Variants in EPHB2 observed in about 807,000 individuals in gnomAD.
EPHB2 encodes the protein ephrin type-B receptor 2.
A neutral mutation model predicts 96.4 loss-of-function variants in EPHB2; 18 were observed. That is an observed-to-expected ratio of 0.19 (90% CI 0.13 to 0.28). The LOEUF is 0.28. EPHB2 is among the 10% of genes least tolerant of loss of function. EPHB2 has a pLI of 1.00. For synonymous variants in EPHB2, 506 were observed against 534.1 expected (o/e 0.95, Z 0.72); for missense variants, 989 against 1,355.4 (o/e 0.73, Z 4.25).
Position 22,910,544 on chromosome 1 carries a change from A to G in EPHB2, c.2665A>G (p.Ser889Gly), listed in dbSNP as rs1338056435. 6.2e-7 allele frequency: 1 copy of G among 1,611,860 alleles called. No homozygotes were observed. Among genetic ancestry groups the G allele is most frequent in the African/African-American group, 1.4e-5 (1 of 72,836 alleles). ...AGACAAGATGATCCGCAATCCCAAC[A>G]GCCTCAAAGCCATGGCGCCCCTCTC... ...TLDKMIRNPN[S>G]LKAMAPLSSG... is the part of the protein sequence containing the mutation. The change falls in exon 14 of 16, where the codon AGC (serine) becomes GGC (glycine). Residue 889 changes from serine (S) to glycine (G), a missense_variant. Transcript: ENST00000374630.
intron 5 of EPHB2, among the ~76,000 whole-genome samples, chr1:22,877,610 C>T (rs891162569): frequency 2.0e-5 from 3 of 152,024 alleles, no homozygotes; most frequent in Admixed American, 6.6e-5. Context: ...GCTCCAGGGC[C>T]GTATATAAAG....
intron 1 of EPHB2, among the ~76,000 whole-genome samples, chr1:22,738,163 G>A (rs559311849): frequency 6.6e-6 from 1 of 152,194 alleles, no homozygotes; most frequent in African/African-American, 2.4e-5. Context: ...CCCTCTTTGG[G>A]GATGATTTAT....
chr1:22,791,773 T>A (rs1644696835), intron 3 of EPHB2, among the ~76,000 whole-genome samples: 1 of 152,202 alleles, frequency 6.6e-6, no homozygotes, highest in Admixed American at 6.5e-5. Flanking sequence ...TTGCAGTATT[T>A]CACTATCTTA....
At chr1:22,866,661 C>T (rs1158902940) in intron 5 of EPHB2, among the ~76,000 whole-genome samples, 1 of 152,094 alleles carries the variant, frequency 6.6e-6, no homozygotes, top group African/African-American at 2.4e-5. Context: ...TGGCTGGGCA[C>T]AGTGGCTCAC....
intron 3 of EPHB2, among the ~76,000 whole-genome samples, chr1:22,849,985 A>G (rs1429695301): frequency 1.3e-5 from 2 of 152,210 alleles, no homozygotes; most frequent in Non-Finnish European, 2.9e-5. Flanking sequence ...CTCACCAAGC[A>G]GGTAAAAAAT....
intron 3 of EPHB2, among the ~76,000 whole-genome samples, chr1:22,806,485 G>T (rs921474046): frequency 1.5e-5 from 1 of 68,742 alleles, no homozygotes; most frequent in African/African-American, 5.9e-5. Flanking sequence ...ATGGACGGAC[G>T]GACGGACGGA....
intron 5 of EPHB2, 63 bp from the exon 6 acceptor site, chr1:22,882,296 G>C (rs572351361): frequency 1.2e-6 from 2 of 1,604,134 alleles, no homozygotes; most frequent in East Asian, 2.2e-5. Context: ...TACCTCTGAG[G>C]GTGGGCCAGA....
intron 1 of EPHB2, among the ~76,000 whole-genome samples, chr1:22,756,677 AC>A (rs1417666223): frequency 2.0e-5 from 3 of 151,862 alleles, no homozygotes; most frequent in African/African-American, 7.3e-5. Flanking sequence ...CCCCATTTCC[AC>A]CCCGAACTAA....
intron 5 of EPHB2, among the ~76,000 whole-genome samples, chr1:22,877,043 G>A (rs1638862254): frequency 6.6e-6 from 1 of 152,228 alleles, no homozygotes; most frequent in African/African-American, 2.4e-5. Context: ...TGAGTCAGCG[G>A]GAACCAGGCG....
rs141909102 is a variant in EPHB2, at chr1:22,810,095, G to A, written c.811+25019G>A. On this transcript the variant is annotated intron_variant, in intron 3 of 15. Transcript: ENST00000374630. ...GCTTTGCGTGCTAGGGAAGTGACCC[G>A]GAGTTCAGCCTGATGGGGTGTTTGG... Among the ~76,000 whole-genome samples the A allele has an allele frequency of 2.8e-4, 43 of 152,278 alleles. No homozygotes were observed. In the Middle Eastern group the frequency reaches 0.01, roughly 36 times the overall value.
intron 3 of EPHB2, among the ~76,000 whole-genome samples, chr1:22,841,421 G>T: frequency 6.6e-6 from 1 of 152,118 alleles, no homozygotes; most frequent in Non-Finnish European, 1.5e-5. Flanking sequence ...GGAGGGCTCA[G>T]TGCAAAGGAG....
chr1:22,850,375 C>G (rs532316186), intron 3 of EPHB2, among the ~76,000 whole-genome samples: 1 of 152,184 alleles, frequency 6.6e-6, no homozygotes, highest in Non-Finnish European at 1.5e-5. Context: ...GCACGTGGGG[C>G]GGTTTGGGAG....
At chr1:22,898,266 T>C (rs1255588026) in intron 9 of EPHB2, among the ~76,000 whole-genome samples, 1 of 151,280 alleles carries the variant, frequency 6.6e-6, no homozygotes, top group Non-Finnish European at 1.5e-5. Context: ...CCGAGAGTTG[T>C]GGGGATCAGG....
At chr1:22,722,012 A>C (rs1194933311) in intron 1 of EPHB2, among the ~76,000 whole-genome samples, 1 of 152,134 alleles carries the variant, frequency 6.6e-6, no homozygotes, top group African/African-American at 2.4e-5. Context: ...CGGTGACACT[A>C]TCTTGGCTCA....
At chr1:22,850,873 G>A (rs1251187128) in intron 3 of EPHB2, among the ~76,000 whole-genome samples, 1 of 152,250 alleles carries the variant, frequency 6.6e-6, no homozygotes, top group Non-Finnish European at 1.5e-5. Context: ...TGTTCTCAGG[G>A]CAGCCAAGAG....
intron 1 of EPHB2, among the ~76,000 whole-genome samples, chr1:22,717,401 C>T (rs1207315844): frequency 6.6e-6 from 1 of 152,152 alleles, no homozygotes; most frequent in Non-Finnish European, 1.5e-5. Context: ...CTCCCCAGTA[C>T]CCCCGTGTCA....
chr1:22,763,678 G>T (rs531070896), intron 1 of EPHB2, among the ~76,000 whole-genome samples: 1 of 152,178 alleles, frequency 6.6e-6, no homozygotes, highest in Non-Finnish European at 1.5e-5. Context: ...TTAGTTTCTT[G>T]TTGCTGCTAT....
At chr1:22,896,506 C>G in intron 9 of EPHB2, 28 bp downstream of exon 9, 1 of 1,613,930 alleles carries the variant, frequency 6.2e-7, no homozygotes, top group Non-Finnish European at 8.5e-7. Context: ...CGGGCTGGAA[C>G]CCTTGGGCCC....
chr1:22,743,741 G>A (rs1490769820), intron 1 of EPHB2, among the ~76,000 whole-genome samples: 1 of 152,182 alleles, frequency 6.6e-6, no homozygotes, highest in African/African-American at 2.4e-5. Context: ...CCTAAGTGCT[G>A]GGATTATAGG....
Sources: gnomAD v4.1 joint callset for allele counts (sites outside exome capture counted in the v4.1 genomes callset) on GRCh38, gnomAD v4.1.1 for gene constraint, MANE v1.5 for transcripts, NCBI Gene and HGNC (gene_info 2026-07-23, HGNC 2026-07-21) for gene names.